SPRYD3: variants seen among roughly 807,000 people sequenced by gnomAD.
SPRYD3 encodes the protein SPRY domain-containing protein 3.
Under a neutral mutation model 50.1 loss-of-function variants are expected in SPRYD3, and 17 were observed. The observed-to-expected ratio is 0.34, with a 90% CI of 0.23 to 0.51. SPRYD3 has a LOEUF of 0.51. Among genes scored for constraint, SPRYD3 ranks in the 20% least tolerant of loss-of-function variants. The pLI is 0.97. For synonymous variants in SPRYD3, 198 were observed against 215.5 expected (o/e 0.92, Z 0.71); for missense variants, 401 against 591.2 (o/e 0.68, Z 3.34).
At position 53,071,703 on chromosome 12, in the gene SPRYD3, G is replaced by A. The variant is rs570389232; in HGVS notation, c.693+1583C>T. Among the ~76,000 whole-genome samples, 13 of 145,304 alleles carry A rather than the reference G, an allele frequency of 8.9e-5. No individual in the cohort carries two copies. In the South Asian group the frequency reaches 2.9e-3, roughly 33 times the overall value. ...AGTGAACCAGCACTCCAGTCTGGGT[G>A]ACAGAGTGATAGCCTGTCTTAAAAA... is the stretch of plus-strand genomic sequence containing the variant. On this transcript the variant is annotated intron_variant, in intron 6 of 10. Coordinates refer to ENST00000301463, the MANE Select transcript of SPRYD3 (RefSeq NM_032840.3).
chr12:53,067,517 G>T (rs1307207112), intron 8 of SPRYD3, 131 bp downstream of exon 8: 1 of 803,430 alleles, frequency 1.2e-6, no homozygotes, highest in African/African-American at 1.7e-5. Context: ...AGCGATTTGG[G>T]AAGGGGAGGT....
At chr12:53,075,867 A>G in intron 2 of SPRYD3, 56 bp from the exon 3 acceptor site, 8 of 1,418,226 alleles carry the variant, frequency 5.6e-6, no homozygotes, top group South Asian at 1.2e-5. Flanking sequence ...GAGTAGGGGG[A>G]GGGCCTCAGC....
At chr12:53,078,517 G>A (rs1395523443) in intron 1 of SPRYD3, among the ~76,000 whole-genome samples, 1 of 150,268 alleles carries the variant, frequency 6.7e-6, no homozygotes, top group Admixed American at 6.6e-5. Flanking sequence ...ATCTTAATCA[G>A]TTCCTAAAGA....
Position 53,075,210 on chromosome 12 carries a change from C to G in SPRYD3, c.256G>C (p.Val86Leu). Residue 86 changes from valine to leucine, a missense_variant, in exon 4 of 11, where the codon GTG becomes CTG. Coordinates refer to ENST00000301463, the MANE Select transcript of SPRYD3 (RefSeq NM_032840.3). ...ATGGTGCCCCGGACTCCACTGTCCA[C>G]AATAGACACCTGGAGAGAAGAAAGC... ...KDSNYFEVSI[V>L]DSGVRGTIAV... 1 of 1,605,804 alleles carries G rather than the reference C, an allele frequency of 6.2e-7. No homozygotes were observed. Among genetic ancestry groups the G allele is most frequent in the East Asian group, 2.2e-5 (1 of 44,552 alleles).
chr12:53,073,256 G>GCCCCCGGGGGGGGGGGGGGGCCCCCC, intron 6 of SPRYD3, 30 bp downstream of exon 6: 1 of 424,134 alleles, frequency 2.4e-6, no homozygotes, highest in Non-Finnish European at 4.4e-6. Context: ...CTCCGACCCA[G>GCCCCCGGGGGGGGGGGGGGGCCCCCC]CCCCTCCCAC....
chr12:53,073,246 C>A, intron 6 of SPRYD3, 40 bp downstream of exon 6: 2 of 977,150 alleles, frequency 2.0e-6, no homozygotes, highest in South Asian at 1.5e-5. Flanking sequence ...GCCCAGCCTC[C>A]TCCGACCCAG....
chr12:53,078,178 CAAAAA>C, intron 1 of SPRYD3: 1 of 311,012 alleles, frequency 3.2e-6, no homozygotes, highest in Non-Finnish European at 6.5e-6. Flanking sequence ...GACCCTGTCT[CAAAAA>C]AAAAAGAAAA....
In SPRYD3 at chr12:53,075,793, A is replaced by C. The variant is rs762164468; in HGVS notation, c.189T>G (p.Gly63=). The change falls in exon 3 of 11, where the codon GGT becomes GGG. Residue 63 remains glycine, a synonymous_variant. Transcript: ENST00000301463. Reference sequence around the variant, plus strand: ...GAGAAGCCACGTAGCAGCCAACTTCACCAGAGTTTCCATGATAACTGAAGG... The same window carrying C: ...GAGAAGCCACGTAGCAGCCAACTTCCCCAGAGTTTCCATGATAACTGAAGG... The part of the protein sequence containing the change: ...GDTLSYHGNS[G]EVGCYVASRP... The C allele has an allele frequency of 2.5e-6, 4 of 1,613,830 alleles. No homozygotes were observed.
rs759739597 is a variant in SPRYD3, at chr12:53,066,434, G to T, written c.1074C>A (p.Ala358=). The T allele has an allele frequency of 4.2e-5, 68 of 1,613,848 alleles. No homozygotes were observed. The Middle Eastern group carries it at 4.9e-4, about 12-fold the overall frequency. ...ACATGACATTCCGCACGTTCCGGACGGCCCGGGCAGTCGGAGACAGGATCA... is the reference window on the plus strand; with the variant it reads ...ACATGACATTCCGCACGTTCCGGACTGCCCGGGCAGTCGGAGACAGGATCA... ...DTVILSPTAR[A]VRNVRNVMYL... The change falls in exon 10 of 11, where the codon GCC becomes GCA. Residue 358 remains alanine, a synonymous_variant. Transcript: ENST00000301463.
chr12:53,071,943 G>A (rs1026609158), intron 6 of SPRYD3, among the ~76,000 whole-genome samples: 6 of 152,064 alleles, frequency 3.9e-5, no homozygotes, highest in Admixed American at 6.6e-5. Context: ...AGTGGCTGAA[G>A]GTGTTGGGGG....
At position 53,066,540 on chromosome 12, in the gene SPRYD3, A is replaced by G. The variant is rs116580024; in HGVS notation, c.1021+33T>C. On this transcript the variant is annotated intron_variant, in intron 9 of 10. Coordinates refer to ENST00000301463, the MANE Select transcript of SPRYD3 (RefSeq NM_032840.3). Reference sequence around the variant, plus strand: ...TGGTGCCTTTCCACCCTCGGCCCCAAGCAGCCTGGCTGGCCACCCCTACCC... The same window carrying G: ...TGGTGCCTTTCCACCCTCGGCCCCAGGCAGCCTGGCTGGCCACCCCTACCC... 8.0e-4 allele frequency: 1,295 copies of G among 1,613,962 alleles called. 11 individuals are homozygous for G. The African/African-American group carries it at 0.016, about 19-fold the overall frequency.
At chr12:53,072,087 T>C (rs1303482819) in intron 6 of SPRYD3, among the ~76,000 whole-genome samples, 2 of 152,122 alleles carry the variant, frequency 1.3e-5, no homozygotes, top group Non-Finnish European at 2.9e-5. Flanking sequence ...GAAAAAACTC[T>C]TGAGGAGAGG....
chr12:53,072,878 G>GCTAA (rs1944559424), intron 6 of SPRYD3, among the ~76,000 whole-genome samples: 1 of 152,176 alleles, frequency 6.6e-6, no homozygotes, highest in Non-Finnish European at 1.5e-5. Context: ...CCACATGTGT[G>GCTAA]GACTTCTGAC....
At chr12:53,073,239 C>T (rs1944561554) in intron 6 of SPRYD3, 47 bp downstream of exon 6, 2 of 1,281,090 alleles carry the variant, frequency 1.6e-6, no homozygotes, top group Non-Finnish European at 2.2e-6. Flanking sequence ...GTGTTCTGCC[C>T]AGCCTCCTCC....
At position 53,073,306 on chromosome 12, in the gene SPRYD3, C is replaced by T; in HGVS notation, c.673G>A (p.Asp225Asn). 1 of 1,360,150 alleles carries T rather than the reference C, an allele frequency of 7.4e-7. No individual in the cohort carries two copies. Among genetic ancestry groups the T allele is most frequent in the Non-Finnish European group, 1.0e-6 (1 of 998,906 alleles). The allele number at this position is 1,360,150 out of a possible 1,614,324, so 84.3% of individuals were successfully genotyped here. ...CTTACAGTCCCACAGACTCTGACAT[C>T]ATGTAGCCGGCCCCATTCATCCTCG... ...SYEDEWGRLH[D>N]VRVCGTLLEY... Residue 225 changes from aspartate (D) to asparagine (N), a missense_variant, in exon 6 of 11, where the codon GAT (aspartate) becomes AAT (asparagine). Physicochemically the swap from Asp to Asn is conservative, Grantham distance 23. Transcript: ENST00000301463.
At chr12:53,068,376 G>A in intron 6 of SPRYD3, 72 bp from the exon 7 acceptor site, 1 of 1,557,846 alleles carries the variant, frequency 6.4e-7, no homozygotes. Context: ...GCCCAAGGCA[G>A]TCTGGGTCCC....
chr12:53,073,259 C>CCGGGGGGGGGGGCG, intron 6 of SPRYD3, 27 bp downstream of exon 6: 1 of 400,932 alleles, frequency 2.5e-6, no homozygotes, highest in Non-Finnish European at 4.6e-6. Flanking sequence ...CGACCCAGCC[C>CCGGGGGGGGGGGCG]CTCCCACCCT....
In SPRYD3 at chr12:53,073,444, G is replaced by C. The variant is rs1275534780; in HGVS notation, c.535C>G (p.Pro179Ala). The C allele has an allele frequency of 6.4e-7, 1 of 1,562,392 alleles. No homozygotes were observed. Among genetic ancestry groups the C allele is most frequent in the East Asian group, 2.3e-5 (1 of 42,716 alleles). ...RVGSTIMPMSPDGLFPAVGMH... is the reference protein window; with the variant it reads ...RVGSTIMPMSADGLFPAVGMH... ...CCCACTGCTGGGAACAGTCCATCTG[G>C]GGACATGGGCATGATGGTAGAGCCC... Residue 179 changes from proline to alanine, a missense_variant, in exon 6 of 11, where the codon CCA becomes GCA. Physicochemically the swap from Pro to Ala is conservative, Grantham distance 27. Coordinates refer to ENST00000301463, the MANE Select transcript of SPRYD3 (RefSeq NM_032840.3).
intron 7 of SPRYD3, 78 bp from the exon 8 acceptor site, chr12:53,067,783 C>T: frequency 2.2e-6 from 3 of 1,364,564 alleles, no homozygotes; most frequent in Non-Finnish European, 3.1e-6. Flanking sequence ...AGCATCTGAA[C>T]CTCTGGGACA....
Sources: gnomAD v4.1 joint callset for allele counts (sites outside exome capture counted in the v4.1 genomes callset) on GRCh38, gnomAD v4.1.1 for gene constraint, MANE v1.5 for transcripts, NCBI Gene and HGNC (gene_info 2026-07-23, HGNC 2026-07-21) for gene names.